Variants in CYP2C8 observed in about 807,000 individuals in gnomAD.
CYP2C8 encodes cytochrome P450 family 2 subfamily C member 8.
In CYP2C8, 51 loss-of-function variants were observed where a neutral mutation model predicts 41.3. That is an observed-to-expected ratio of 1.24 (90% CI 0.99 to 1.56). CYP2C8 has a LOEUF of 1.56. Ranked by LOEUF, CYP2C8 falls within the 40% of genes most tolerant of loss-of-function variation. The pLI is 0.00. For synonymous variants in CYP2C8, 218 were observed against 205.8 expected, an observed-to-expected ratio of 1.06 and a Z score of -0.51; for missense variants, 651 against 579.9, an observed-to-expected ratio of 1.12 and a Z score of -1.26.
intron 4 of CYP2C8, among the ~76,000 whole-genome samples, chr10:95,062,035 C>G (rs1487899760): frequency 6.6e-6 from 1 of 152,040 alleles, no homozygotes; most frequent in African/African-American, 2.4e-5. Context: ...TCTTTTACAT[C>G]TGCTGAGGAG....
chr10:95,061,456 T>G (rs886528651), intron 4 of CYP2C8, among the ~76,000 whole-genome samples: 1 of 152,234 alleles, frequency 6.6e-6, no homozygotes, highest in Non-Finnish European at 1.5e-5. Context: ...GCTCTGATGG[T>G]AATTTGTATT....
intron 7 of CYP2C8, among the ~76,000 whole-genome samples, chr10:95,042,027 T>A (rs960636096): frequency 3.3e-5 from 5 of 152,106 alleles, no homozygotes; most frequent in African/African-American, 1.2e-4. Context: ...ATAAATGAAG[T>A]TAAATAAAAG....
At chr10:95,060,719 G>GCCAGTTTTCAAAGGGAATGCTT (rs1193832756) in intron 4 of CYP2C8, among the ~76,000 whole-genome samples, 53 of 152,234 alleles carry the variant, frequency 3.5e-4, no homozygotes, top group East Asian at 2.5e-3. Flanking sequence ...CCTGTCTTGT[G>GCCAGTTTTCAAAGGGAATGCTT]CCAGTTTTCA....
At chr10:95,044,408 A>C (rs1343481702) in intron 6 of CYP2C8, among the ~76,000 whole-genome samples, 2 of 152,094 alleles carry the variant, frequency 1.3e-5, no homozygotes, top group Non-Finnish European at 2.9e-5. Flanking sequence ...AAATTCCATG[A>C]CTTTGTGTCC....
intron 3 of CYP2C8, 104 bp downstream of exon 3, chr10:95,067,104 A>G (rs2033584935): frequency 1.3e-6 from 2 of 1,509,884 alleles, no homozygotes; most frequent in African/African-American, 1.4e-5. Flanking sequence ...GCTGACAACC[A>G]GGATGCGCAA....
chr10:95,041,279 C>T (rs2032989277), intron 7 of CYP2C8, among the ~76,000 whole-genome samples: 2 of 152,252 alleles, frequency 1.3e-5, no homozygotes, highest in Middle Eastern at 3.4e-3. Flanking sequence ...AAAACAGCAG[C>T]AATTTTTTGG....
intron 5 of CYP2C8, among the ~76,000 whole-genome samples, chr10:95,055,774 A>G (rs1163646598): frequency 2.0e-5 from 3 of 152,276 alleles, no homozygotes; most frequent in South Asian, 2.1e-4. Flanking sequence ...TTCAACAACA[A>G]ATGACAAGCA....
chr10:95,051,534 C>A (rs1050661230), intron 5 of CYP2C8, among the ~76,000 whole-genome samples: 15 of 151,858 alleles, frequency 9.9e-5, no homozygotes, highest in African/African-American at 3.6e-4. Flanking sequence ...CAGATTAAAC[C>A]CAATGAAGAC....
intron 5 of CYP2C8, among the ~76,000 whole-genome samples, chr10:95,052,231 T>C (rs2033226318): frequency 6.6e-6 from 1 of 151,998 alleles, no homozygotes; most frequent in Non-Finnish European, 1.5e-5. Flanking sequence ...CCTAGATACA[T>C]ACAACCTACT....
At chr10:95,039,536 T>C (rs1398994608) in intron 7 of CYP2C8, among the ~76,000 whole-genome samples, 3 of 152,224 alleles carry the variant, frequency 2.0e-5, no homozygotes, top group African/African-American at 7.2e-5. Flanking sequence ...ATTACTGCCA[T>C]GCTACAGATT....
At chr10:95,053,891 C>A (rs969450959) in intron 5 of CYP2C8, among the ~76,000 whole-genome samples, 6 of 151,976 alleles carry the variant, frequency 3.9e-5, no homozygotes, top group African/African-American at 1.4e-4. Flanking sequence ...ATGTAACAAA[C>A]CTGCACATTC....
intron 6 of CYP2C8, among the ~76,000 whole-genome samples, chr10:95,044,339 A>G (rs1033008353): frequency 1.3e-5 from 2 of 152,312 alleles, no homozygotes; most frequent in African/African-American, 2.4e-5. Context: ...GATATTTTAT[A>G]TATGACCTGA....
intron 1 of CYP2C8, among the ~76,000 whole-genome samples, chr10:95,068,188 T>C (rs975378490): frequency 2.6e-5 from 4 of 152,232 alleles, no homozygotes; most frequent in Non-Finnish European, 4.4e-5. Flanking sequence ...AGTCCTGTGA[T>C]GAACCCTAGA....
At chr10:95,054,683 T>C (rs550814868) in intron 5 of CYP2C8, among the ~76,000 whole-genome samples, 14 of 152,198 alleles carry the variant, frequency 9.2e-5, no homozygotes, top group African/African-American at 3.1e-4. Flanking sequence ...AAAAAACAAC[T>C]AGAGCTGATA....
rs1360247226 is a variant in CYP2C8, at chr10:95,054,880, C to A, written c.819+3455G>T. Among the ~76,000 whole-genome samples the A allele has an allele frequency of 4.6e-5, 7 of 151,924 alleles. No homozygotes were observed. The East Asian group carries it at 1.3e-3, about 29-fold the overall frequency. ...AAAGACTGAAAACTATGAAATGTTG[C>A]TTAGAAAAATAAGGAGTATCTAAAT... On this transcript the variant is annotated intron_variant, in intron 5 of 8. Coordinates refer to ENST00000371270, the MANE Select transcript of CYP2C8 (RefSeq NM_000770.3).
intron 6 of CYP2C8, among the ~76,000 whole-genome samples, 168 bp from the exon 7 acceptor site, chr10:95,043,245 T>C (rs1389198347): frequency 6.6e-6 from 1 of 152,164 alleles, no homozygotes; most frequent in African/African-American, 2.4e-5. Context: ...ATAATATAGA[T>C]ACATACCACT....
chr10:95,051,932 A>T (rs574192880), intron 5 of CYP2C8, among the ~76,000 whole-genome samples: 1 of 152,238 alleles, frequency 6.6e-6, no homozygotes, highest in East Asian at 1.9e-4. Context: ...GAGCAAACCA[A>T]ACCCAAAATT....
In CYP2C8 at chr10:95,037,292, C is replaced by T; in HGVS notation, c.1309G>A (p.Gly437Arg). 1 of 1,613,496 alleles carries T rather than the reference C, an allele frequency of 6.2e-7. No homozygotes were observed. Among genetic ancestry groups the T allele is most frequent in the Non-Finnish European group, 8.5e-7 (1 of 1,179,750 alleles). ...PFSAGKRICA[G>R]EGLARMELFL... Reference sequence around the variant, plus strand: ...AGCTCCATGCGGGCAAGTCCTTCTCCTGCACAAATTCGTTTTCCTGAAGAT... The same window carrying T: ...AGCTCCATGCGGGCAAGTCCTTCTCTTGCACAAATTCGTTTTCCTGAAGAT... The change falls in exon 9 of 9, where the codon GGA (glycine) becomes AGA (arginine). Residue 437 changes from glycine to arginine, a missense_variant. Coordinates refer to ENST00000371270, the MANE Select transcript of CYP2C8 (RefSeq NM_000770.3).
chr10:95,069,451 T>G lies in CYP2C8; in HGVS notation c.-49A>C. ...ACAGCTGTGAGCTTGCACTCCAAAG[T>G]TTTTATAACACTCCCTGCTAATTTA... On this transcript the variant is annotated 5_prime_UTR_variant, in exon 1 of 9. Coordinates refer to ENST00000371270, the MANE Select transcript of CYP2C8 (RefSeq NM_000770.3). The G allele has an allele frequency of 6.9e-7, 1 of 1,455,616 alleles. No homozygotes were observed. The highest frequency in any genetic ancestry group is 9.6e-7 in the Non-Finnish European group (1 of 1,037,828). The allele number at this position is 1,455,616 out of a possible 1,614,324, so 90.2% of individuals were successfully genotyped here.
Sources: allele counts gnomAD v4.1 joint callset (sites outside exome capture counted in the v4.1 genomes callset), GRCh38; gene constraint gnomAD v4.1.1; transcripts MANE v1.5; gene names NCBI Gene and HGNC (gene_info 2026-07-23, HGNC 2026-07-21).